ZBTB7C: variants seen among roughly 807,000 people sequenced by gnomAD.
The protein encoded by ZBTB7C is zinc finger and BTB domain-containing protein 7C.
Under a neutral mutation model 25.7 loss-of-function variants are expected in ZBTB7C, and 8 were observed. The ratio of observed to expected loss-of-function variants is 0.31; its 90% CI spans 0.18 to 0.56. ZBTB7C has a LOEUF of 0.56. ZBTB7C is among the 20% of genes least tolerant of loss of function. ZBTB7C has a pLI of 0.91. For synonymous variants in ZBTB7C, 394 were observed against 369.0 expected (o/e 1.07, Z -0.78); for missense variants, 824 against 855.2 (o/e 0.96, Z 0.46).
intron 3 of ZBTB7C, among the ~76,000 whole-genome samples, chr18:48,044,546 GGA>G (rs1471847832): frequency 1.3e-5 from 2 of 152,254 alleles, no homozygotes; most frequent in Admixed American, 1.3e-4. Context: ...AGCAGCCCCT[GGA>G]GGCCTGGATC....
At chr18:48,254,366 C>G (rs1024556567) in intron 2 of ZBTB7C, among the ~76,000 whole-genome samples, 3 of 152,182 alleles carry the variant, frequency 2.0e-5, no homozygotes, top group African/African-American at 7.2e-5. Context: ...AGCCCATTTG[C>G]ATAATAAAAT....
chr18:48,309,539 G>A (rs763320860), intron 2 of ZBTB7C, among the ~76,000 whole-genome samples: 1 of 152,172 alleles, frequency 6.6e-6, no homozygotes, highest in Non-Finnish European at 1.5e-5. Flanking sequence ...TGTCACATGA[G>A]CATCTCATTC....
intron 3 of ZBTB7C, among the ~76,000 whole-genome samples, chr18:48,079,862 G>A (rs1357895797): frequency 1.3e-5 from 2 of 152,202 alleles, no homozygotes; most frequent in Non-Finnish European, 2.9e-5. Context: ...CAGGGGGACC[G>A]AGCACTGGCA....
chr18:48,129,692 A>T (rs182455912), intron 3 of ZBTB7C, among the ~76,000 whole-genome samples: 16 of 152,304 alleles, frequency 1.1e-4, no homozygotes, highest in African/African-American at 3.8e-4. Context: ...CACTGCATGG[A>T]GGCCTGGCCT....
chr18:48,296,811 T>C (rs537191163), intron 2 of ZBTB7C, among the ~76,000 whole-genome samples: 66 of 152,138 alleles, frequency 4.3e-4, no homozygotes, highest in Non-Finnish European at 6.8e-4. Context: ...TCCACCTCCT[T>C]TCAGATCAGC....
At chr18:48,037,967 G>A (rs972782663) in intron 4 of ZBTB7C, among the ~76,000 whole-genome samples, 1 of 152,148 alleles carries the variant, frequency 6.6e-6, no homozygotes, top group South Asian at 2.1e-4. Flanking sequence ...GCTTTCACAC[G>A]GTGCTCTGGC....
chr18:48,267,533 C>T (rs1045804083), intron 2 of ZBTB7C, among the ~76,000 whole-genome samples: 2 of 152,234 alleles, frequency 1.3e-5, no homozygotes, highest in Non-Finnish European at 2.9e-5. Context: ...CTCCTTCCCA[C>T]TCTCACTCAC....
rs760625797 is a variant in ZBTB7C, at chr18:48,040,901, G to A, written c.207C>T (p.Ala69=). Residue 69 remains alanine, a synonymous_variant, in exon 4 of 5, where the codon GCC becomes GCT. Transcript: ENST00000590800. ...FKKLFTAGTL[A]SQPYVYEIDF... is the part of the protein sequence containing the mutation. ...CGATCTCATAGACGTAGGGCTGGCTGGCTAGGGTGCCGGCTGTGAAAAGCT... is the reference window on the plus strand; with the variant it reads ...CGATCTCATAGACGTAGGGCTGGCTAGCTAGGGTGCCGGCTGTGAAAAGCT... The A allele has an allele frequency of 6.2e-7, 1 of 1,614,066 alleles. No individual in the cohort carries two copies. Among genetic ancestry groups the A allele is most frequent in the African/African-American group, 1.3e-5 (1 of 74,914 alleles).
chr18:48,286,776 G>A (rs1293037634), intron 2 of ZBTB7C, among the ~76,000 whole-genome samples: 1 of 152,132 alleles, frequency 6.6e-6, no homozygotes, highest in African/African-American at 2.4e-5. Context: ...AAGAGGCCAG[G>A]CACGGTGGCT....
At chr18:48,210,126 T>C (rs1271404468) in intron 2 of ZBTB7C, among the ~76,000 whole-genome samples, 2 of 152,194 alleles carry the variant, frequency 1.3e-5, no homozygotes, top group East Asian at 1.9e-4. Context: ...GATATCACTA[T>C]CCTCTCATTA....
intron 2 of ZBTB7C, among the ~76,000 whole-genome samples, chr18:48,318,377 C>G (rs2046003593): frequency 6.6e-6 from 1 of 152,270 alleles, no homozygotes; most frequent in African/African-American, 2.4e-5. Flanking sequence ...AGAGGCCCAC[C>G]TGCTTGGTTC....
At chr18:48,099,245 A>C (rs1201656271) in intron 3 of ZBTB7C, among the ~76,000 whole-genome samples, 1 of 152,156 alleles carries the variant, frequency 6.6e-6, no homozygotes, top group African/African-American at 2.4e-5. Context: ...AAATAACACC[A>C]CTCTGATAAG....
chr18:48,088,854 GA>G (rs2144535297), intron 3 of ZBTB7C, among the ~76,000 whole-genome samples: 1 of 150,926 alleles, frequency 6.6e-6, no homozygotes, highest in South Asian at 2.1e-4. Context: ...TAAAAAAAAA[GA>G]AGGAAATTAT....
chr18:48,202,113 C>T (rs73433314), intron 2 of ZBTB7C, among the ~76,000 whole-genome samples: 1,686 of 152,316 alleles, frequency 0.011, 30 homozygotes, highest in African/African-American at 0.037. Context: ...TGCTGCTGGG[C>T]GGGACCACAG....
chr18:48,357,689 C>A (rs1288235177), intron 1 of ZBTB7C, among the ~76,000 whole-genome samples: 1 of 152,200 alleles, frequency 6.6e-6, no homozygotes, highest in African/African-American at 2.4e-5. Context: ...GGCCTCCCAC[C>A]TCCTCCAGCC....
At chr18:48,109,173 G>T (rs1056015108) in intron 3 of ZBTB7C, among the ~76,000 whole-genome samples, 1 of 152,156 alleles carries the variant, frequency 6.6e-6, no homozygotes, top group South Asian at 2.1e-4. Flanking sequence ...GGCTGGTGGC[G>T]GCTGTCACAG....
At position 48,395,157 on chromosome 18, in the gene ZBTB7C, A is replaced by G. The variant is rs140462609; in HGVS notation, c.-304+14069T>C. Among the ~76,000 whole-genome samples the G allele has an allele frequency of 5.6e-3, 859 of 152,252 alleles. 10 individuals carry two copies. Among genetic ancestry groups the G allele is most frequent in the African/African-American group, 0.019 (795 of 41,508 alleles). On this transcript the variant is annotated intron_variant, in intron 1 of 4. Coordinates refer to ENST00000590800, the MANE Select transcript of ZBTB7C (RefSeq NM_001318841.2). The stretch of plus-strand genomic sequence containing the variant: ...TATTTTCCTCCTGCTCATGGTCATT[A>G]TAATATTAGTGATAGTCAATAATAT...
At chr18:48,387,751 CAG>C (rs1425387439) in intron 1 of ZBTB7C, among the ~76,000 whole-genome samples, 1 of 152,212 alleles carries the variant, frequency 6.6e-6, no homozygotes, top group Non-Finnish European at 1.5e-5. Flanking sequence ...ACAGAATAAA[CAG>C]TACCATTTGA....
At chr18:48,181,164 A>C (rs1003627033) in intron 3 of ZBTB7C, among the ~76,000 whole-genome samples, 1 of 152,188 alleles carries the variant, frequency 6.6e-6, no homozygotes, top group African/African-American at 2.4e-5. Flanking sequence ...CTTTATCTTC[A>C]TAGAAGAGGG....
Sources: gnomAD v4.1 joint callset for allele counts (sites outside exome capture counted in the v4.1 genomes callset) on GRCh38, gnomAD v4.1.1 for gene constraint, MANE v1.5 for transcripts, NCBI Gene and HGNC (gene_info 2026-07-23, HGNC 2026-07-21) for gene names.